The following POLA1 variants were observed in gnomAD, a reference collection of about 807,000 sequenced individuals.
The protein encoded by POLA1 is DNA polymerase alpha 1, catalytic subunit, also known as DNA polymerase alpha catalytic subunit.
Under a neutral mutation model 124.0 loss-of-function variants are expected in POLA1, and 15 were observed. The observed-to-expected ratio is 0.12, with a 90% CI of 0.08 to 0.19. The LOEUF (loss-of-function observed/expected upper bound fraction) is 0.19. Ranked by LOEUF, POLA1 falls within the 10% of genes least tolerant of loss-of-function variation. The probability of loss-of-function intolerance (pLI) is 1.00; values close to 1 mark genes in which losing one functional copy is unlikely to be tolerated. For synonymous variants in POLA1, 408 were observed against 389.4 expected, an observed-to-expected ratio of 1.05 and a Z score of -0.56; for missense variants, 886 against 1,103.4, an observed-to-expected ratio of 0.80 and a Z score of 2.79.
intron 26 of POLA1, among the ~76,000 whole-genome samples, chrX:24,785,465 T>C (rs1376655306): frequency 9.0e-6 from 1 of 111,611 alleles, no homozygotes; most frequent in Non-Finnish European, 1.9e-5. Flanking sequence ...CATACTAAAT[T>C]CTAGATAGGT....
intron 26 of POLA1, among the ~76,000 whole-genome samples, chrX:24,799,266 C>T (rs2045664607): frequency 8.9e-6 from 1 of 112,078 alleles, no homozygotes; most frequent in Non-Finnish European, 1.9e-5. Context: ...CCACCTTGGT[C>T]ACTGTCCAAC....
At chrX:24,935,383 A>G (rs2047835503) in intron 36 of POLA1, among the ~76,000 whole-genome samples, 1 of 112,902 alleles carries the variant, frequency 8.9e-6, no homozygotes, top group Non-Finnish European at 1.9e-5. Context: ...GAATTGCAGC[A>G]TAGAGGCTAG....
At chrX:24,892,846 G>A (rs992169556) in intron 35 of POLA1, among the ~76,000 whole-genome samples, 1 of 111,636 alleles carries the variant, frequency 9.0e-6, no homozygotes, top group East Asian at 2.8e-4. Flanking sequence ...ATTTCTTGAA[G>A]GTCACTTATA....
intron 26 of POLA1, among the ~76,000 whole-genome samples, chrX:24,797,248 A>G (rs1222783758): frequency 1.8e-5 from 2 of 111,039 alleles, no homozygotes; most frequent in Non-Finnish European, 3.8e-5. Flanking sequence ...TGAACATTCT[A>G]GCCTCAACCA....
At chrX:24,716,573 G>A (rs1929857500) in intron 7 of POLA1, 119 bp downstream of exon 7, 7 of 456,065 alleles carry the variant, frequency 1.5e-5, no homozygotes, top group Non-Finnish European at 2.7e-5. Context: ...TTTTAAATTA[G>A]GACTCCCATT....
intron 31 of POLA1, among the ~76,000 whole-genome samples, chrX:24,825,900 CT>C (rs762653087): frequency 8.9e-6 from 1 of 111,968 alleles, no homozygotes; most frequent in South Asian, 3.8e-4. Flanking sequence ...TTTCCCCACT[CT>C]TTTCCACTTG....
At chrX:24,833,419 AG>A (rs1193077599) in intron 32 of POLA1, among the ~76,000 whole-genome samples, 9 of 111,968 alleles carry the variant, frequency 8.0e-5, no homozygotes, top group Non-Finnish European at 1.7e-4. Flanking sequence ...GATACCCACT[AG>A]TGGGATTTCT....
At chrX:24,789,190 A>G in intron 26 of POLA1, 1 of 609,920 alleles carries the variant, frequency 1.6e-6, no homozygotes, top group Non-Finnish European at 2.6e-6. Context: ...AGTAAAAGGC[A>G]TGCAAATCAG....
rs11573400 is a variant in POLA1, at chrX:24,781,701, G to A, written c.2965-28197G>A. On this transcript the variant is annotated intron_variant, in intron 26 of 36. Transcript: ENST00000379068. ...GTTAAGCTTCTGAATGATTTTGAGT[G>A]CTTTTGCTTGTCATGGGGAAGTTTT... 1.9e-3 allele frequency among the ~76,000 whole-genome samples: 211 copies of A among 111,439 alleles called. 3 individuals carry two copies. The East Asian group carries it at 0.048, about 25-fold the overall frequency.
intron 28 of POLA1, among the ~76,000 whole-genome samples, 193 bp downstream of exon 28, chrX:24,810,993 A>G (rs942466488): frequency 1.8e-5 from 2 of 111,550 alleles, no homozygotes; most frequent in Non-Finnish European, 3.8e-5. Context: ...TCTGTCACCC[A>G]GGCTTGAGTG....
chrX:24,980,443 T>C (rs926730925), intron 36 of POLA1, among the ~76,000 whole-genome samples: 1 of 112,304 alleles, frequency 8.9e-6, no homozygotes, highest in African/African-American at 3.2e-5. Flanking sequence ...GGCTGTGTTC[T>C]CTTGCATGAT....
chrX:24,742,159 ACC>A (rs113389943), intron 22 of POLA1, 38 bp downstream of exon 22: 9,583 of 797,898 alleles, frequency 0.012, 10 homozygotes, highest in African/African-American at 0.029. Flanking sequence ...TTTTCTCTTA[ACC>A]CCCCCCCCCC....
intron 11 of POLA1, among the ~76,000 whole-genome samples, chrX:24,723,765 C>T (rs1244109858): frequency 8.9e-6 from 1 of 112,624 alleles, no homozygotes; most frequent in Non-Finnish European, 1.9e-5. Flanking sequence ...ACTGCAACCT[C>T]CGCCTTCTGG....
intron 36 of POLA1, among the ~76,000 whole-genome samples, chrX:24,961,757 C>T (rs1278289084): frequency 9.0e-6 from 1 of 111,606 alleles, no homozygotes; most frequent in Non-Finnish European, 1.9e-5. Context: ...TTAAAAAAAT[C>T]TGCCCAGACC....
chrX:24,809,079 C>T (rs2045854498), intron 26 of POLA1, among the ~76,000 whole-genome samples: 1 of 110,756 alleles, frequency 9.0e-6, no homozygotes, highest in African/African-American at 3.3e-5. Context: ...ATAGTAGCTA[C>T]CCCTTGGAGA....
chrX:24,813,551 C>T (rs7884260), intron 29 of POLA1, among the ~76,000 whole-genome samples: 1 of 112,494 alleles, frequency 8.9e-6, no homozygotes, highest in Non-Finnish European at 1.9e-5. Flanking sequence ...CAGTGGCTCA[C>T]GCCCATAATC....
At chrX:24,781,156 A>G (rs1162259036) in intron 26 of POLA1, among the ~76,000 whole-genome samples, 1 of 111,215 alleles carries the variant, frequency 9.0e-6, no homozygotes, top group East Asian at 2.8e-4. Flanking sequence ...GATGTTGGTA[A>G]TTTGTGTCTT....
At chrX:24,838,297 C>T (rs1369619453) in intron 32 of POLA1, among the ~76,000 whole-genome samples, 2 of 112,005 alleles carry the variant, frequency 1.8e-5, no homozygotes, top group Non-Finnish European at 3.8e-5. Flanking sequence ...TTTCATTCCA[C>T]TGCCTCTTTT....
intron 1 of POLA1, among the ~76,000 whole-genome samples, chrX:24,695,006 A>G (rs759519057): frequency 1.8e-5 from 2 of 112,250 alleles, no homozygotes; most frequent in East Asian, 5.6e-4. Context: ...GCAGGCCTCT[A>G]TCAGTGATTT....
Sources: allele counts gnomAD v4.1 joint callset (sites outside exome capture counted in the v4.1 genomes callset), GRCh38; gene constraint gnomAD v4.1.1; transcripts MANE v1.5; gene names NCBI Gene and HGNC (gene_info 2026-07-23, HGNC 2026-07-21).